The following DNAAF5 variants were observed in gnomAD, a reference collection of about 807,000 sequenced individuals.
DNAAF5 encodes the protein HEAT repeat containing 2.
In DNAAF5, 64 loss-of-function variants were observed where a neutral mutation model predicts 75.8. The ratio of observed to expected loss-of-function variants is 0.84; its 90% CI spans 0.69 to 1.04. The LOEUF is 1.04. Among genes scored for constraint, DNAAF5 ranks in the 50% least tolerant of loss-of-function variants. DNAAF5 has a pLI of 0.00. For synonymous variants in DNAAF5, 657 were observed against 557.2 expected, an observed-to-expected ratio of 1.18 and a Z score of -2.52; for missense variants, 1,269 against 1,178.5, an observed-to-expected ratio of 1.08 and a Z score of -1.12.
chr7:757,973 A>C (rs2128079266), intron 6 of DNAAF5, among the ~76,000 whole-genome samples: 1 of 152,312 alleles, frequency 6.6e-6, no homozygotes, highest in East Asian at 1.9e-4. Flanking sequence ...GGGGCTGTTG[A>C]CAGTCATTTT....
chr7:733,849 A>G (rs935334509), intron 2 of DNAAF5, among the ~76,000 whole-genome samples: 16 of 152,016 alleles, frequency 1.1e-4, no homozygotes, highest in Non-Finnish European at 2.9e-5. Context: ...ATTCCTAGGT[A>G]TCTTATTTTG....
Position 727,169 on chromosome 7 carries a change from G to C in DNAAF5, c.449G>C (p.Gly150Ala). The C allele has an allele frequency of 7.6e-7, 1 of 1,318,570 alleles. No homozygotes were observed. The highest frequency in any genetic ancestry group is 9.7e-7 in the Non-Finnish European group (1 of 1,029,226). The allele number at this position is 1,318,570 out of a possible 1,614,324, so 81.7% of individuals were successfully genotyped here. A position where few individuals can be genotyped will look rare whatever the true frequency, so the allele number is the denominator to read the frequency against. ...ELRLALVQLL[G>A]LAVDLCGAAL... ...CGCCTGGCGCTTGTGCAGCTGCTGG[G>C]CCTGGCCGTGGACCTGTGCGGCGCC... is the stretch of plus-strand genomic sequence containing the variant. Residue 150 changes from glycine (G) to alanine (A), a missense_variant, in exon 1 of 13, where the codon GGC becomes GCC. Coordinates refer to ENST00000297440, the MANE Select transcript of DNAAF5 (RefSeq NM_017802.4).
At position 780,076 on chromosome 7, in the gene DNAAF5, A is replaced by G. The variant is rs1778886056; in HGVS notation, c.2363A>G (p.Gln788Arg). The G allele has an allele frequency of 2.5e-6, 4 of 1,614,134 alleles. No homozygotes were observed. The highest frequency in any genetic ancestry group is 2.5e-6 in the Non-Finnish European group (3 of 1,180,040). Residue 788 changes from glutamine (Q) to arginine (R), a missense_variant, in exon 12 of 13, where the codon CAG (glutamine) becomes CGG (arginine). Coordinates refer to ENST00000297440, the MANE Select transcript of DNAAF5 (RefSeq NM_017802.4). ...AAATCCTACTATCAGAGCAGTGTCC[A>G]GTACCTGTACCGAGAGTTGCTGGTT... is the stretch of plus-strand genomic sequence containing the variant. ...NAKSYYQSSV[Q>R]YLYRELLVHL...
intron 12 of DNAAF5, among the ~76,000 whole-genome samples, chr7:782,948 TC>T (rs1316128204): frequency 6.6e-6 from 1 of 152,220 alleles, no homozygotes; most frequent in Non-Finnish European, 1.5e-5. Flanking sequence ...GAAACTCGGA[TC>T]GTCCTGGGGT....
chr7:768,123 CG>C (rs1778402955), intron 8 of DNAAF5, among the ~76,000 whole-genome samples: 1 of 98,712 alleles, frequency 1.0e-5, no homozygotes, highest in South Asian at 3.9e-4. Context: ...GTGATCTGGG[CG>C]GAAGTGTCCA....
intron 12 of DNAAF5, among the ~76,000 whole-genome samples, chr7:784,184 C>T (rs117248097): frequency 0.042 from 6,420 of 152,292 alleles, 184 homozygotes; most frequent in Non-Finnish European, 0.065. Flanking sequence ...GGCCACGCAC[C>T]CTCCTCTGGC....
intron 4 of DNAAF5, among the ~76,000 whole-genome samples, chr7:752,667 C>T (rs1003997944): frequency 6.6e-5 from 10 of 152,150 alleles, no homozygotes; most frequent in Admixed American, 1.3e-4. Context: ...GTGGGCCGGG[C>T]CACGCTTCCC....
At chr7:740,395 C>A (rs1219792664) in intron 2 of DNAAF5, among the ~76,000 whole-genome samples, 4 of 152,214 alleles carry the variant, frequency 2.6e-5, no homozygotes, top group African/African-American at 9.6e-5. Context: ...ACCACACTTG[C>A]TGTAGCCACG....
rs942126684 is a variant in DNAAF5, at chr7:727,314, C to T, written c.594C>T (p.Pro198=). The T allele has an allele frequency of 6.2e-6, 8 of 1,283,310 alleles. No individual in the cohort carries two copies. The highest frequency in any genetic ancestry group is 3.0e-4 in the Middle Eastern group (1 of 3,352). 79.5% of individuals were successfully genotyped at this position (1,283,310 alleles called of 1,614,324 possible). The change falls in exon 1 of 13, where the codon CCC becomes CCT. Residue 198 remains proline, a splice_region_variant and synonymous_variant. Coordinates refer to ENST00000297440, the MANE Select transcript of DNAAF5 (RefSeq NM_017802.4). ...CCGCCGCCCTGGCGCAGGCCACGCC[C>T]GGTGAGCACCCCGGGCCCCGCTCCC... The part of the protein sequence containing the change: ...SCAAALAQAT[P]DHFHMQSESL...
chr7:783,277 G>A (rs960839852), intron 12 of DNAAF5, among the ~76,000 whole-genome samples: 1 of 152,262 alleles, frequency 6.6e-6, no homozygotes, highest in Non-Finnish European at 1.5e-5. Flanking sequence ...TGCACCTGGT[G>A]CCCACTCGCG....
chr7:758,473 C>A (rs929144486), intron 6 of DNAAF5, among the ~76,000 whole-genome samples: 7 of 152,228 alleles, frequency 4.6e-5, no homozygotes, highest in African/African-American at 1.4e-4. Context: ...CACACGGGAC[C>A]CCTGGGAAGC....
intron 2 of DNAAF5, among the ~76,000 whole-genome samples, chr7:740,151 C>T (rs1382514602): frequency 1.3e-5 from 2 of 152,176 alleles, no homozygotes; most frequent in African/African-American, 4.8e-5. Flanking sequence ...TGGCCGTTCC[C>T]GCTTCCCTTA....
chr7:756,670 C>T (rs1051881871), intron 5 of DNAAF5, 112 bp from the exon 6 acceptor site: 31 of 922,434 alleles, frequency 3.4e-5, no homozygotes, highest in African/African-American at 9.7e-5. Flanking sequence ...CTGCCTAACA[C>T]GGGGCTCTGT....
chr7:760,729 G>A (rs1462901353), intron 6 of DNAAF5, among the ~76,000 whole-genome samples: 2 of 152,260 alleles, frequency 1.3e-5, no homozygotes, highest in East Asian at 1.9e-4. Context: ...GCACACGCCT[G>A]CTGTGTTGCG....
intron 10 of DNAAF5, among the ~76,000 whole-genome samples, chr7:774,400 G>C (rs1452397687): frequency 1.3e-5 from 2 of 152,206 alleles, no homozygotes; most frequent in Admixed American, 6.5e-5. Flanking sequence ...CAGCAGGCGG[G>C]AGAGCGGGAG....
In DNAAF5 at chr7:780,055, C is replaced by G. The variant is rs1328443164; in HGVS notation, c.2342C>G (p.Ser781Cys). The G allele has an allele frequency of 6.2e-7, 1 of 1,614,240 alleles. No individual in the cohort carries two copies. Among genetic ancestry groups the G allele is most frequent in the Non-Finnish European group, 8.5e-7 (1 of 1,180,020 alleles). The stretch of plus-strand genomic sequence containing the variant: ...TGTGTCAAGGGTGCCAACGCAAAAT[C>G]CTACTATCAGAGCAGTGTCCAGTAC... ...LQCVKGANAK[S>C]YYQSSVQYLY... is the part of the protein sequence containing the mutation. Residue 781 changes from serine to cysteine, a missense_variant, in exon 12 of 13, where the codon TCC (serine) becomes TGC (cysteine). Transcript: ENST00000297440.
At chr7:770,420 T>G (rs1256566861) in intron 8 of DNAAF5, 51 bp from the exon 9 acceptor site, 7 of 1,566,566 alleles carry the variant, frequency 4.5e-6, no homozygotes, top group South Asian at 3.6e-5. Context: ...GGATGGGGCC[T>G]CCTCCCGTCT....
At chr7:760,343 C>A (rs1364425802) in intron 6 of DNAAF5, among the ~76,000 whole-genome samples, 32 of 152,112 alleles carry the variant, frequency 2.1e-4, no homozygotes, top group Admixed American at 2.1e-3. Flanking sequence ...GAACTTGCAC[C>A]CCCATTAGTA....
In DNAAF5 at chr7:741,431, TGCC is replaced by T; in HGVS notation, c.991_993del (p.Ala331del). 1 of 1,564,608 alleles carries T rather than the reference TGCC, an allele frequency of 6.4e-7. No homozygotes were observed. Among genetic ancestry groups the T allele is most frequent in the Non-Finnish European group, 8.7e-7 (1 of 1,153,210 alleles). Reference sequence around the variant, plus strand: ...AGGACCTGAAGGACAAGCTGGACTTTGCCCCTCCCACCCCACCCCATTACCCTC... The same window carrying T: ...AGGACCTGAAGGACAAGCTGGACTTTCCTCCCACCCCACCCCATTACCCTC... On this transcript the variant is annotated inframe_deletion, in exon 4 of 13. Coordinates refer to ENST00000297440, the MANE Select transcript of DNAAF5 (RefSeq NM_017802.4).
Sources: allele counts gnomAD v4.1 joint callset (sites outside exome capture counted in the v4.1 genomes callset), GRCh38; gene constraint gnomAD v4.1.1; transcripts MANE v1.5; gene names NCBI Gene and HGNC (gene_info 2026-07-23, HGNC 2026-07-21).